Variants in NPFFR2 observed in about 807,000 individuals in gnomAD.
The protein encoded by NPFFR2 is G-protein coupled receptor 74.
A neutral mutation model predicts 13.1 loss-of-function variants in NPFFR2; 15 were observed. That is an observed-to-expected ratio of 1.15 (90% confidence interval 0.77 to 1.76). The LOEUF is 1.76. Ranked by LOEUF, NPFFR2 falls within the 40% of genes most tolerant of loss-of-function variation. NPFFR2 has a pLI of 0.00. For synonymous variants in NPFFR2, 190 were observed against 175.7 expected, an observed-to-expected ratio of 1.08 and a Z score of -0.65; for missense variants, 572 against 503.5, an observed-to-expected ratio of 1.14 and a Z score of -1.30.
At chr4:72,041,563 G>T (rs1719220408) in intron 1 of NPFFR2, among the ~76,000 whole-genome samples, 1 of 152,162 alleles carries the variant, frequency 6.6e-6, no homozygotes, top group African/African-American at 2.4e-5. Flanking sequence ...AGTTCTTTAA[G>T]AGATCTGCAA....
intron 1 of NPFFR2, among the ~76,000 whole-genome samples, chr4:72,101,483 A>T (rs1410735611): frequency 6.6e-6 from 1 of 151,412 alleles, no homozygotes; most frequent in Non-Finnish European, 1.5e-5. Flanking sequence ...ATATTAAAAT[A>T]TGTTATATAT....
Position 72,147,806 on chromosome 4 carries a change from G to A in NPFFR2, c.1257G>A (p.Glu419=). ...TAAAAGAAACTACTAACAGCAGTGA[G>A]ATTTAAAAAGAGCTAGTGTGATAAT... ...EELKETTNSS[E]I is the part of the protein sequence containing the mutation. Residue 419 remains glutamate, a synonymous_variant, in exon 4 of 4, where the codon GAG becomes GAA. Transcript: ENST00000308744. 1.3e-6 allele frequency: 2 copies of A among 1,555,448 alleles called. No homozygotes were observed. Among genetic ancestry groups the A allele is most frequent in the Non-Finnish European group, 1.7e-6 (2 of 1,156,548 alleles).
chr4:72,071,125 A>G (rs1327529205), intron 1 of NPFFR2, among the ~76,000 whole-genome samples: 1 of 152,202 alleles, frequency 6.6e-6, no homozygotes, highest in African/African-American at 2.4e-5. Context: ...GTATGATTCA[A>G]TAGCTCTAGA....
intron 1 of NPFFR2, among the ~76,000 whole-genome samples, chr4:72,080,287 C>T (rs549065161): frequency 2.1e-4 from 32 of 151,994 alleles, no homozygotes; most frequent in Non-Finnish European, 4.4e-4. Flanking sequence ...GCCTCAGTCT[C>T]CTGAGTACCT....
At chr4:72,057,590 C>T (rs995594000) in intron 1 of NPFFR2, among the ~76,000 whole-genome samples, 2 of 151,904 alleles carry the variant, frequency 1.3e-5, no homozygotes, top group Non-Finnish European at 2.9e-5. Flanking sequence ...CCCTAAATTT[C>T]GGGTGATATC....
At chr4:72,052,669 T>C (rs1719623851) in intron 1 of NPFFR2, among the ~76,000 whole-genome samples, 2 of 152,020 alleles carry the variant, frequency 1.3e-5, no homozygotes, top group South Asian at 2.1e-4. Flanking sequence ...GTGGGAAAAA[T>C]CTACATTCTG....
chr4:72,078,364 A>T (rs1720505403), intron 1 of NPFFR2, among the ~76,000 whole-genome samples: 1 of 152,288 alleles, frequency 6.6e-6, no homozygotes, highest in South Asian at 2.1e-4. Flanking sequence ...TGACATATGT[A>T]CTAAAGCTAT....
intron 1 of NPFFR2, among the ~76,000 whole-genome samples, chr4:72,040,943 T>TATATATA (rs1553887463): frequency 6.7e-6 from 1 of 149,808 alleles, no homozygotes; most frequent in Non-Finnish European, 1.5e-5. Flanking sequence ...TATATATATA[T>TATATATA]TCATTTTAAT....
intron 1 of NPFFR2, among the ~76,000 whole-genome samples, chr4:72,111,393 A>G (rs1167776906): frequency 6.6e-6 from 1 of 152,048 alleles, no homozygotes; most frequent in African/African-American, 2.4e-5. Flanking sequence ...TTCTAATGAC[A>G]TAGCCATCCT....
chr4:72,088,717 A>C (rs1720835145), intron 1 of NPFFR2, among the ~76,000 whole-genome samples: 1 of 151,980 alleles, frequency 6.6e-6, no homozygotes, highest in Non-Finnish European at 1.5e-5. Flanking sequence ...CCACTTTTAA[A>C]ACCATCAGAT....
intron 1 of NPFFR2, among the ~76,000 whole-genome samples, chr4:72,047,207 A>G (rs1219425065): frequency 6.6e-6 from 1 of 152,088 alleles, no homozygotes; most frequent in Non-Finnish European, 1.5e-5. Flanking sequence ...TTCAGAAGAG[A>G]GCACTAAGGA....
intron 3 of NPFFR2, among the ~76,000 whole-genome samples, chr4:72,139,352 G>A (rs551226877): frequency 6.6e-6 from 1 of 152,078 alleles, no homozygotes. Flanking sequence ...GTCCTGAATG[G>A]TATTGCTTAG....
intron 3 of NPFFR2, among the ~76,000 whole-genome samples, chr4:72,141,966 A>G (rs1722640110): frequency 6.6e-6 from 1 of 152,190 alleles, no homozygotes; most frequent in Admixed American, 6.5e-5. Flanking sequence ...ATATATATTT[A>G]GGATCGTTAT....
At chr4:72,129,150 TAGAAAC>T (rs1722159814) in intron 2 of NPFFR2, among the ~76,000 whole-genome samples, 1 of 152,134 alleles carries the variant, frequency 6.6e-6, no homozygotes, top group Admixed American at 6.5e-5. Context: ...AGTGATATAA[TAGAAAC>T]AGAAAGTGGA....
chr4:72,139,667 A>C lies in NPFFR2; in HGVS notation c.428+1528A>C, dbSNP rs559576993. Among the ~76,000 whole-genome samples the C allele has an allele frequency of 2.6e-5, 4 of 151,972 alleles. No homozygotes were observed. In the East Asian group the frequency reaches 7.8e-4, roughly 30 times the overall value. ...GCTGTTTTGGTTACTGTAGCCTTGTAGTATAGTTTGAAGTTGGGTAGCATG... is the reference window on the plus strand; with the variant it reads ...GCTGTTTTGGTTACTGTAGCCTTGTCGTATAGTTTGAAGTTGGGTAGCATG... On this transcript the variant is annotated intron_variant, in intron 3 of 3. Coordinates refer to ENST00000308744, the MANE Select transcript of NPFFR2 (RefSeq NM_004885.3).
rs186356693 is a variant in NPFFR2 at position 72,048,475 on chromosome 4, C to T, written c.-8+16275C>T. Among the ~76,000 whole-genome samples, 344 of 152,070 alleles carry T rather than the reference C, an allele frequency of 2.3e-3. 5 individuals are homozygous for T. Among genetic ancestry groups the T allele is most frequent in the African/African-American group, 7.8e-3 (324 of 41,502 alleles). ...ATTTTCTCACAAGTGTTAATTTGGC[C>T]AATTCACAATATACATATATGCCTG... is the stretch of plus-strand genomic sequence containing the variant. On this transcript the variant is annotated intron_variant, in intron 1 of 3. Coordinates refer to ENST00000308744, the MANE Select transcript of NPFFR2 (RefSeq NM_004885.3).
chr4:72,047,178 TAA>T (rs57694296), intron 1 of NPFFR2, among the ~76,000 whole-genome samples: 79,664 of 150,972 alleles, frequency 0.53, 23,711 homozygotes, highest in Non-Finnish European at 0.67. Flanking sequence ...TGTAAAGAAT[TAA>T]AAAAAAAAAA....
chr4:72,058,050 C>T (rs1185321557), intron 1 of NPFFR2, among the ~76,000 whole-genome samples: 1 of 151,920 alleles, frequency 6.6e-6, no homozygotes, highest in Non-Finnish European at 1.5e-5. Context: ...ACTAGAAAAA[C>T]ATTTCTTCAG....
At chr4:72,094,953 C>T (rs6810696) in intron 1 of NPFFR2, among the ~76,000 whole-genome samples, 140,451 of 152,218 alleles carry the variant, frequency 0.92, 65,740 homozygotes, top group East Asian at 1. Context: ...TCCTATCTGC[C>T]GTTTTCCAGA....
Sources: allele counts gnomAD v4.1 joint callset (sites outside exome capture counted in the v4.1 genomes callset), GRCh38; gene constraint gnomAD v4.1.1; transcripts MANE v1.5; gene names NCBI Gene and HGNC (gene_info 2026-07-23, HGNC 2026-07-21).